The following TRAK1 variants were observed in gnomAD, a reference collection of about 807,000 sequenced individuals.
The protein encoded by TRAK1 is trafficking kinesin protein 1, also known as trafficking kinesin-binding protein 1.
In TRAK1, 33 loss-of-function variants were observed where a neutral mutation model predicts 92.1. The observed-to-expected ratio is 0.36, with a 90% CI of 0.27 to 0.48. The LOEUF is 0.48. TRAK1 is among the 20% of genes least tolerant of loss of function. The pLI is 0.99. For synonymous variants in TRAK1, 521 were observed against 517.3 expected (o/e 1.01, Z -0.10); for missense variants, 1,123 against 1,257.9 (o/e 0.89, Z 1.62).
intron 1 of TRAK1, among the ~76,000 whole-genome samples, chr3:42,065,378 C>T (rs901225848): frequency 4.6e-5 from 7 of 152,156 alleles, no homozygotes; most frequent in East Asian, 1.9e-4. Flanking sequence ...ATTATACTTG[C>T]GGATTGAACA....
chr3:42,175,997 G>T (rs1347446184), intron 2 of TRAK1, among the ~76,000 whole-genome samples: 1 of 152,160 alleles, frequency 6.6e-6, no homozygotes, highest in Non-Finnish European at 1.5e-5. Flanking sequence ...TGTTTGTTGA[G>T]CGGCGAATCA....
chr3:42,157,317 G>A (rs1700650353), intron 2 of TRAK1, among the ~76,000 whole-genome samples: 1 of 151,386 alleles, frequency 6.6e-6, no homozygotes, highest in African/African-American at 2.4e-5. Context: ...AAATTAGCGA[G>A]GCATGGTGGC....
intron 14 of TRAK1, chr3:42,211,938 A>G (rs1369346948): frequency 1.0e-6 from 1 of 985,312 alleles, no homozygotes; most frequent in African/African-American, 1.7e-5. Context: ...TAGGTTGCCA[A>G]AGGTAATTTA....
At chr3:42,209,337 C>T (rs1708695152) in intron 13 of TRAK1, among the ~76,000 whole-genome samples, 1 of 152,040 alleles carries the variant, frequency 6.6e-6, no homozygotes, top group Non-Finnish European at 1.5e-5. Flanking sequence ...TCCGTGTTCC[C>T]AGGAGTGTGT....
chr3:42,182,167 A>T (rs1275121002), intron 3 of TRAK1, among the ~76,000 whole-genome samples: 1 of 151,988 alleles, frequency 6.6e-6, no homozygotes, highest in African/African-American at 2.4e-5. Flanking sequence ...ATCTCTGTTG[A>T]TGGGGCAGAT....
intron 2 of TRAK1, among the ~76,000 whole-genome samples, chr3:42,163,768 C>G (rs1701550341): frequency 6.6e-6 from 1 of 152,138 alleles, no homozygotes; most frequent in Non-Finnish European, 1.5e-5. Flanking sequence ...GAGATTTTGC[C>G]TTGTATTTGT....
upstream of TRAK1, among the ~76,000 whole-genome samples, chr3:42,084,640 C>CAT (rs1704589030): frequency 6.6e-6 from 1 of 152,104 alleles, no homozygotes; most frequent in Non-Finnish European, 1.5e-5. Context: ...GACCCTTGAC[C>CAT]ATCATTGGTG....
At chr3:42,138,808 C>T (rs1321003219) in intron 2 of TRAK1, among the ~76,000 whole-genome samples, 1 of 150,414 alleles carries the variant, frequency 6.6e-6, no homozygotes, top group Non-Finnish European at 1.5e-5. Flanking sequence ...CAGTGCTGAC[C>T]TTCTGAAGGG....
At chr3:42,209,667 G>A in intron 13 of TRAK1, 100 bp from the exon 14 acceptor site, 3 of 1,240,088 alleles carry the variant, frequency 2.4e-6, no homozygotes, top group South Asian at 2.8e-5. Context: ...TGGGGTTCAC[G>A]CTAAGCACTT....
intron 1 of TRAK1, among the ~76,000 whole-genome samples, chr3:42,112,477 G>A (rs559401522): frequency 1.3e-5 from 2 of 151,070 alleles, no homozygotes; most frequent in African/African-American, 4.8e-5. Context: ...GCTCATGCCT[G>A]TAATCCCATC....
chr3:42,207,601 G>A lies in TRAK1; in HGVS notation c.1745-2166G>A, dbSNP rs370438261. Among the ~76,000 whole-genome samples the A allele has an allele frequency of 4.7e-4, 72 of 152,290 alleles. No homozygotes were observed. The South Asian group carries it at 0.01, about 22-fold the overall frequency. On this transcript the variant is annotated intron_variant, in intron 13 of 15. Coordinates refer to ENST00000327628, the MANE Select transcript of TRAK1 (RefSeq NM_001042646.3). ...AGTTCCTAGGATGGTTTCAAGGAGT[G>A]AGCTGATATAATACATGTAAAACAA...
intron 2 of TRAK1, among the ~76,000 whole-genome samples, chr3:42,150,517 A>T (rs926191046): frequency 2.0e-5 from 3 of 150,458 alleles, no homozygotes; most frequent in African/African-American, 7.5e-5. Flanking sequence ...CCCAGTGATG[A>T]TATGTTCCCA....
chr3:42,193,692 C>A lies in TRAK1; in HGVS notation c.901-132C>A, dbSNP rs1706159646. The A allele has an allele frequency of 3.1e-6, 3 of 977,942 alleles. No individual in the cohort carries two copies. In the East Asian group the frequency reaches 7.2e-5, roughly 23 times the overall value. The allele number at this position is 977,942 out of a possible 1,614,324, so 60.6% of individuals were successfully genotyped here. A position where few individuals can be genotyped will look rare whatever the true frequency, so the allele number is the denominator to read the frequency against. On this transcript the variant is annotated intron_variant, in intron 8 of 15. Transcript: ENST00000327628. Reference sequence around the variant, plus strand: ...TTTACCTTCAAAATAATATAAAAAGCAGAATTTGAGTATAAGATGAGCATG... The same window carrying A: ...TTTACCTTCAAAATAATATAAAAAGAAGAATTTGAGTATAAGATGAGCATG...
chr3:42,162,034 C>T (rs1320677515), intron 2 of TRAK1, among the ~76,000 whole-genome samples: 1 of 152,176 alleles, frequency 6.6e-6, no homozygotes, highest in Non-Finnish European at 1.5e-5. Flanking sequence ...GGCCCCAGCC[C>T]AGACCCACTG....
At chr3:42,069,066 G>T (rs1216331119) in intron 1 of TRAK1, among the ~76,000 whole-genome samples, 1 of 151,926 alleles carries the variant, frequency 6.6e-6, no homozygotes, top group Non-Finnish European at 1.5e-5. Context: ...GGCTAGGCAT[G>T]GTGGCTCATG....
chr3:42,054,146 A>G (rs1203923366), intron 1 of TRAK1, among the ~76,000 whole-genome samples: 3 of 152,232 alleles, frequency 2.0e-5, no homozygotes, highest in African/African-American at 4.8e-5. Context: ...TACTCAATGA[A>G]AAATGAATTT....
chr3:42,076,010 T>C (rs1704139888), intron 1 of TRAK1, among the ~76,000 whole-genome samples: 1 of 151,200 alleles, frequency 6.6e-6, no homozygotes, highest in African/African-American at 2.4e-5. Flanking sequence ...ACCCAGCTAA[T>C]TTTTTATATT....
At chr3:42,053,889 C>CCTA (rs1295492995) in intron 1 of TRAK1, among the ~76,000 whole-genome samples, 1 of 152,136 alleles carries the variant, frequency 6.6e-6, no homozygotes, top group African/African-American at 2.4e-5. Context: ...ATCAGTCTGC[C>CCTA]CTACTCTGAT....
At chr3:42,137,606 T>C (rs1404906413) in intron 2 of TRAK1, among the ~76,000 whole-genome samples, 1 of 152,222 alleles carries the variant, frequency 6.6e-6, no homozygotes, top group South Asian at 2.1e-4. Flanking sequence ...TCTCAAACTT[T>C]GGACCAAGGG....
Sources: allele counts gnomAD v4.1 joint callset (sites outside exome capture counted in the v4.1 genomes callset), GRCh38; gene constraint gnomAD v4.1.1; transcripts MANE v1.5; gene names NCBI Gene and HGNC (gene_info 2026-07-23, HGNC 2026-07-21).